The following ATP10A variants were observed in gnomAD, a reference collection of about 807,000 sequenced individuals.
The protein encoded by ATP10A is ATPase phospholipid transporting 10A (putative).
A neutral mutation model predicts 147.8 loss-of-function variants in ATP10A; 111 were observed. The observed-to-expected ratio is 0.75, with a 90% CI of 0.64 to 0.88. The LOEUF (loss-of-function observed/expected upper bound fraction) is 0.88, where lower values mean the gene tolerates loss of function less well. Ranked by LOEUF, ATP10A falls within the 40% of genes least tolerant of loss-of-function variation. ATP10A has a pLI of 0.00. For synonymous variants in ATP10A, 875 were observed against 841.6 expected, an observed-to-expected ratio of 1.04 and a Z score of -0.69; for missense variants, 1,927 against 1,959.0, an observed-to-expected ratio of 0.98 and a Z score of 0.31.
intron 1 of ATP10A, among the ~76,000 whole-genome samples, chr15:25,852,188 CCT>C (rs1402926961): frequency 1.3e-5 from 2 of 151,852 alleles, no homozygotes; most frequent in Admixed American, 6.6e-5. Flanking sequence ...TTAATGTTAT[CCT>C]CTCTCCAATT....
At chr15:25,794,638 A>G (rs1398524579) in intron 1 of ATP10A, among the ~76,000 whole-genome samples, 1 of 152,218 alleles carries the variant, frequency 6.6e-6, no homozygotes, top group Non-Finnish European at 1.5e-5. Flanking sequence ...TTGGAAGCCG[A>G]CGTCAATTTT....
chr15:25,687,652 A>G (rs888630374), intron 16 of ATP10A, 51 bp downstream of exon 16: 1 of 1,332,238 alleles, frequency 7.5e-7, no homozygotes, highest in South Asian at 1.8e-5. Context: ...CGATGGTCCT[A>G]AGAACCGAAC....
intron 7 of ATP10A, among the ~76,000 whole-genome samples, chr15:25,721,194 G>A (rs1484517065): frequency 1.3e-5 from 2 of 152,192 alleles, no homozygotes; most frequent in Non-Finnish European, 1.5e-5. Context: ...TGGGAGTGAG[G>A]CGATTCATCT....
Position 25,679,859 on chromosome 15 carries a change from C to T in ATP10A, c.3982G>A (p.Gly1328Arg). 6.2e-7 allele frequency: 1 copy of T among 1,610,430 alleles called. No homozygotes were observed. Among genetic ancestry groups the T allele is most frequent in the Non-Finnish European group, 8.5e-7 (1 of 1,179,972 alleles). Residue 1328 changes from glycine to arginine, a missense_variant, in exon 21 of 21, where the codon GGA becomes AGA. Gly to Arg is a moderately radical substitution (Grantham distance 125). Coordinates refer to ENST00000555815, the MANE Select transcript of ATP10A (RefSeq NM_024490.4). ...GTTCCCGAGTCCTTCGGGAGGCGTC[C>T]CTGAGCAAAGGTCTCTTTGGGAGCA... ...CSAPKETFAQ[G>R]RLPKDSGTEH... is the part of the protein sequence containing the mutation.
intron 2 of ATP10A, among the ~76,000 whole-genome samples, chr15:25,775,347 G>A (rs1048022563): frequency 6.6e-6 from 1 of 152,150 alleles, no homozygotes; most frequent in Non-Finnish European, 1.5e-5. Flanking sequence ...AAGTAACTTG[G>A]GGTGGGACTG....
chr15:25,744,816 G>A (rs918960357), intron 2 of ATP10A, among the ~76,000 whole-genome samples: 1 of 152,134 alleles, frequency 6.6e-6, no homozygotes, highest in African/African-American at 2.4e-5. Flanking sequence ...AAAGGATAGA[G>A]GGAAGTCTAA....
intron 1 of ATP10A, among the ~76,000 whole-genome samples, chr15:25,834,139 C>T (rs1347366668): frequency 6.6e-6 from 1 of 152,084 alleles, no homozygotes; most frequent in African/African-American, 2.4e-5. Context: ...TCATGTTTTA[C>T]ACCATAAATA....
intron 1 of ATP10A, among the ~76,000 whole-genome samples, chr15:25,811,457 G>A (rs1478654103): frequency 6.6e-6 from 1 of 152,224 alleles, no homozygotes; most frequent in African/African-American, 2.4e-5. Context: ...AAATGGCATG[G>A]AACATGCTAG....
At chr15:25,757,631 T>C (rs565626133) in intron 2 of ATP10A, among the ~76,000 whole-genome samples, 2 of 152,206 alleles carry the variant, frequency 1.3e-5, no homozygotes, top group Admixed American at 6.5e-5. Context: ...TGAGGATTTG[T>C]TTTTGGTAAA....
intron 1 of ATP10A, among the ~76,000 whole-genome samples, chr15:25,837,091 C>G (rs536986136): frequency 6.6e-6 from 1 of 151,764 alleles, no homozygotes; most frequent in Non-Finnish European, 1.5e-5. Context: ...CATTTTTTTT[C>G]GGTGAAAACA....
intron 10 of ATP10A, among the ~76,000 whole-genome samples, chr15:25,713,146 G>C (rs1322214684): frequency 6.6e-6 from 1 of 152,208 alleles, no homozygotes; most frequent in Non-Finnish European, 1.5e-5. Flanking sequence ...AGGTGAGGCT[G>C]CACTCCTCCG....
chr15:25,808,456 C>T (rs1173516556), intron 1 of ATP10A, among the ~76,000 whole-genome samples: 3 of 152,222 alleles, frequency 2.0e-5, no homozygotes, highest in African/African-American at 7.2e-5. Context: ...ACAATCTCGG[C>T]TCACTGCAAT....
At chr15:25,746,698 T>C (rs958571294) in intron 2 of ATP10A, among the ~76,000 whole-genome samples, 37 of 152,378 alleles carry the variant, frequency 2.4e-4, no homozygotes, top group African/African-American at 7.0e-4. Context: ...TTTGAAATTA[T>C]GTAATACAAT....
chr15:25,798,371 C>CA (rs1250841405), intron 1 of ATP10A, among the ~76,000 whole-genome samples: 4 of 152,160 alleles, frequency 2.6e-5, no homozygotes, highest in Non-Finnish European at 1.5e-5. Context: ...AGTGCCTGTC[C>CA]AGCCCTCCCC....
intron 1 of ATP10A, among the ~76,000 whole-genome samples, chr15:25,829,004 G>A (rs1479898426): frequency 4.6e-5 from 7 of 152,108 alleles, no homozygotes; most frequent in African/African-American, 1.7e-4. Flanking sequence ...CATGCATAAC[G>A]CTGGAACATG....
intron 15 of ATP10A, 113 bp downstream of exon 15, chr15:25,691,602 C>T (rs1363755166): frequency 1.9e-6 from 2 of 1,072,928 alleles, no homozygotes; most frequent in Admixed American, 3.5e-5. Flanking sequence ...AAGGGCAAAC[C>T]CTTTAGCCTC....
At chr15:25,829,577 C>T (rs542605087) in intron 1 of ATP10A, among the ~76,000 whole-genome samples, 1 of 152,214 alleles carries the variant, frequency 6.6e-6, no homozygotes, top group Admixed American at 6.5e-5. Flanking sequence ...ATCTAAATGC[C>T]CAAATCCATA....
intron 1 of ATP10A, among the ~76,000 whole-genome samples, chr15:25,834,859 C>T (rs1175078376): frequency 6.6e-6 from 1 of 152,186 alleles, no homozygotes; most frequent in African/African-American, 2.4e-5. Flanking sequence ...AAACCAGTTA[C>T]AAAGGACCAT....
chr15:25,738,910 G>A (rs1427404950), intron 2 of ATP10A, among the ~76,000 whole-genome samples: 1 of 152,172 alleles, frequency 6.6e-6, no homozygotes, highest in Non-Finnish European at 1.5e-5. Flanking sequence ...GGTCACAGTG[G>A]TCTTGGAGTG....
Sources: gnomAD v4.1 joint callset for allele counts (sites outside exome capture counted in the v4.1 genomes callset) on GRCh38, gnomAD v4.1.1 for gene constraint, MANE v1.5 for transcripts, NCBI Gene and HGNC (gene_info 2026-07-23, HGNC 2026-07-21) for gene names.